STAG1: variants seen among roughly 807,000 people sequenced by gnomAD.
STAG1 encodes the protein cohesin subunit SA-1.
STAG1 carries 26 observed loss-of-function variants against 170.9 expected under a neutral mutation model. The observed-to-expected ratio is 0.15, with a 90% CI of 0.11 to 0.21. The LOEUF (loss-of-function observed/expected upper bound fraction) is 0.21, where lower values mean the gene tolerates loss of function less well. STAG1 is among the 10% of genes least tolerant of loss of function. The pLI is 1.00. For synonymous variants in STAG1, 514 were observed against 497.7 expected (o/e 1.03, Z -0.44); for missense variants, 964 against 1,509.5 (o/e 0.64, Z 5.99).
intron 5 of STAG1, among the ~76,000 whole-genome samples, chr3:136,564,699 T>C (rs1050060891): frequency 1.3e-5 from 2 of 151,842 alleles, no homozygotes; most frequent in African/African-American, 4.8e-5. Context: ...TCAGGAACTG[T>C]AAAGGTAGTC....
chr3:136,537,800 G>C (rs1935711632), intron 6 of STAG1, among the ~76,000 whole-genome samples: 1 of 151,962 alleles, frequency 6.6e-6, no homozygotes, highest in African/African-American at 2.4e-5. Context: ...CTGGCCAATA[G>C]TATCTATTTT....
At chr3:136,520,422 A>G (rs1448555530) in intron 7 of STAG1, among the ~76,000 whole-genome samples, 5 of 152,196 alleles carry the variant, frequency 3.3e-5, no homozygotes, top group African/African-American at 4.8e-5. Context: ...GCTACTAAAA[A>G]AGATGTAATT....
At chr3:136,388,431 C>CAT (rs2086924040) in intron 22 of STAG1, among the ~76,000 whole-genome samples, 2 of 152,060 alleles carry the variant, frequency 1.3e-5, no homozygotes, top group Non-Finnish European at 2.9e-5. Flanking sequence ...TGCAGTGGTG[C>CAT]GATCTTGGCT....
At chr3:136,463,427 T>C (rs1018578617) in intron 13 of STAG1, among the ~76,000 whole-genome samples, 16 of 152,156 alleles carry the variant, frequency 1.1e-4, no homozygotes, top group African/African-American at 3.4e-4. Context: ...ATAGTTGTAC[T>C]TCAGCATAAG....
intron 15 of STAG1, among the ~76,000 whole-genome samples, chr3:136,435,207 CATTT>C (rs1266866187): frequency 4.6e-5 from 7 of 152,074 alleles, no homozygotes; most frequent in African/African-American, 1.7e-4. Flanking sequence ...AATAGCAATT[CATTT>C]ATTAAGAATT....
chr3:136,639,412 C>G lies in STAG1; in HGVS notation c.-83-8431G>C, dbSNP rs572891229. ...CCCCAAATTCAAATAACCACTATCA[C>G]TCAACCTCTCTCCAGTTAAAAATTA... On this transcript the variant is annotated intron_variant, in intron 1 of 33. Transcript: ENST00000383202. Among the ~76,000 whole-genome samples the G allele has an allele frequency of 3.3e-5, 5 of 152,296 alleles. No homozygotes were observed. The South Asian group carries it at 1.0e-3, about 32-fold the overall frequency.
intron 6 of STAG1, among the ~76,000 whole-genome samples, chr3:136,533,234 A>G (rs369245532): frequency 6.6e-6 from 1 of 152,154 alleles, no homozygotes; most frequent in African/African-American, 2.4e-5. Context: ...ACTACAAAAG[A>G]CTGATGAAAG....
chr3:136,730,588 T>C (rs1031997680), intron 1 of STAG1, among the ~76,000 whole-genome samples: 8 of 152,244 alleles, frequency 5.3e-5, no homozygotes, highest in African/African-American at 1.9e-4. Flanking sequence ...TACACTATTA[T>C]AATCAGAACT....
chr3:136,413,428 C>A (rs962642320), intron 21 of STAG1, among the ~76,000 whole-genome samples: 1 of 150,746 alleles, frequency 6.6e-6, no homozygotes, highest in East Asian at 2.0e-4. Context: ...TATTAGAATA[C>A]GTAATTTCTT....
At chr3:136,525,840 C>T (rs1054150536) in intron 6 of STAG1, among the ~76,000 whole-genome samples, 9 of 152,184 alleles carry the variant, frequency 5.9e-5, no homozygotes, top group Admixed American at 5.2e-4. Context: ...TTTCTGCCTT[C>T]ATTTCGTTAT....
intron 4 of STAG1, among the ~76,000 whole-genome samples, chr3:136,573,662 T>C (rs1053880100): frequency 6.6e-6 from 1 of 151,294 alleles, no homozygotes; most frequent in African/African-American, 2.4e-5. Context: ...GAAAGACAGA[T>C]TGTCCAAGCT....
At chr3:136,720,451 C>T (rs1204579092) in intron 1 of STAG1, among the ~76,000 whole-genome samples, 1 of 152,116 alleles carries the variant, frequency 6.6e-6, no homozygotes, top group Non-Finnish European at 1.5e-5. Flanking sequence ...ATAGTGAAGA[C>T]AGATTTATCA....
chr3:136,630,675 T>C (rs1033040057), intron 2 of STAG1, among the ~76,000 whole-genome samples, 195 bp downstream of exon 2: 4 of 152,188 alleles, frequency 2.6e-5, no homozygotes, highest in East Asian at 1.9e-4. Flanking sequence ...AGAAAACATG[T>C]TGACAGTTCA....
intron 1 of STAG1, among the ~76,000 whole-genome samples, chr3:136,743,960 C>T (rs185974113): frequency 5.5e-4 from 84 of 152,314 alleles, no homozygotes; most frequent in African/African-American, 1.8e-3. Context: ...TAAAGACATA[C>T]GGTTTATTTC....
Position 136,357,839 on chromosome 3 carries a change from T to C in STAG1, c.2946A>G (p.Ile982Met). The change falls in exon 28 of 34, where the codon ATA (isoleucine) becomes ATG (methionine). Residue 982 changes from isoleucine (I) to methionine (M), a missense_variant. Coordinates refer to ENST00000383202, the MANE Select transcript of STAG1 (RefSeq NM_005862.3). The part of the protein sequence containing the change: ...EAVATLHKDG[I>M]EFAFKYQNQK... ...GATTTTGGTATTTAAATGCAAACTC[T>C]ATGCCATCCCTGAAGTAAAAGAAAA... 2 of 1,597,004 alleles carry C rather than the reference T, an allele frequency of 1.3e-6. No individual in the cohort carries two copies. The highest frequency in any genetic ancestry group is 8.5e-7 in the Non-Finnish European group (1 of 1,175,144).
intron 16 of STAG1, among the ~76,000 whole-genome samples, chr3:136,431,095 G>T (rs1252152083): frequency 6.6e-6 from 1 of 151,814 alleles, no homozygotes; most frequent in East Asian, 1.9e-4. Flanking sequence ...GTAGAGATGG[G>T]GTTTCGCCAT....
chr3:136,529,820 GAAAC>G (rs773405995), intron 6 of STAG1, among the ~76,000 whole-genome samples: 5 of 152,036 alleles, frequency 3.3e-5, no homozygotes, highest in Non-Finnish European at 5.9e-5. Flanking sequence ...GAAAAAGAAA[GAAAC>G]AAATAATATT....
intron 1 of STAG1, among the ~76,000 whole-genome samples, chr3:136,651,819 A>G (rs1359914922): frequency 6.6e-6 from 1 of 152,116 alleles, no homozygotes; most frequent in Non-Finnish European, 1.5e-5. Flanking sequence ...ACGGACCCTG[A>G]GATACTTCCA....
chr3:136,734,870 T>C (rs1934248044), intron 1 of STAG1, among the ~76,000 whole-genome samples: 1 of 152,188 alleles, frequency 6.6e-6, no homozygotes, highest in South Asian at 2.1e-4. Context: ...CGTGACAACA[T>C]GGAAAAACCT....
Sources: allele counts gnomAD v4.1 joint callset (sites outside exome capture counted in the v4.1 genomes callset), GRCh38; gene constraint gnomAD v4.1.1; transcripts MANE v1.5; gene names NCBI Gene and HGNC (gene_info 2026-07-23, HGNC 2026-07-21).